Variants in PPP2R2B observed in about 807,000 individuals in gnomAD.
The protein encoded by PPP2R2B is serine/threonine-protein phosphatase 2A 55 kDa regulatory subunit B beta isoform.
PPP2R2B carries 5 observed loss-of-function variants against 46.0 expected under a neutral mutation model. The observed-to-expected ratio is 0.11, with a 90% CI of 0.06 to 0.23. The LOEUF is 0.23. Ranked by LOEUF, PPP2R2B falls within the 10% of genes least tolerant of loss-of-function variation. PPP2R2B has a pLI of 1.00. For synonymous variants in PPP2R2B, 215 were observed against 206.7 expected (o/e 1.04, Z -0.34); for missense variants, 367 against 575.0 (o/e 0.64, Z 3.70).
At chr5:146,727,124 A>T (rs926151183) in intron 2 of PPP2R2B, among the ~76,000 whole-genome samples, 2 of 152,140 alleles carry the variant, frequency 1.3e-5, no homozygotes, top group Admixed American at 6.5e-5. Context: ...GCTCAGCTGT[A>T]TGCTGAATTT....
chr5:146,640,041 C>T (rs1028586500), intron 6 of PPP2R2B, among the ~76,000 whole-genome samples: 16 of 152,284 alleles, frequency 1.1e-4, no homozygotes, highest in South Asian at 4.1e-4. Flanking sequence ...AGTTTAGATG[C>T]GGTACAAGCA....
At chr5:146,984,252 C>G (rs1310560532) in intron 1 of PPP2R2B, among the ~76,000 whole-genome samples, 5 of 152,174 alleles carry the variant, frequency 3.3e-5, no homozygotes, top group Non-Finnish European at 7.4e-5. Flanking sequence ...TCTCATTCCT[C>G]CAACCTCCCA....
chr5:146,718,355 T>G (rs780883265), intron 2 of PPP2R2B, among the ~76,000 whole-genome samples: 6 of 151,764 alleles, frequency 4.0e-5, no homozygotes, highest in Non-Finnish European at 5.9e-5. Context: ...ACCACTGTAC[T>G]ACAGCCTGGG....
At chr5:146,628,378 C>G (rs1774202549) in intron 7 of PPP2R2B, among the ~76,000 whole-genome samples, 1 of 152,204 alleles carries the variant, frequency 6.6e-6, no homozygotes, top group South Asian at 2.1e-4. Context: ...AATCCTTGGG[C>G]TGCAGACTTG....
At chr5:146,986,577 TA>T (rs1554082544) in intron 1 of PPP2R2B, among the ~76,000 whole-genome samples, 1 of 151,876 alleles carries the variant, frequency 6.6e-6, no homozygotes, top group Non-Finnish European at 1.5e-5. Context: ...GAAGTATTAA[TA>T]AAAAAACAGA....
At chr5:146,702,185 C>T (rs755372482) in intron 2 of PPP2R2B, among the ~76,000 whole-genome samples, 4 of 152,094 alleles carry the variant, frequency 2.6e-5, no homozygotes, top group Non-Finnish European at 5.9e-5. Flanking sequence ...GCAATTACCC[C>T]TGAGTAATTC....
intron 7 of PPP2R2B, among the ~76,000 whole-genome samples, chr5:146,618,693 C>T (rs1773422893): frequency 6.6e-6 from 1 of 150,726 alleles, no homozygotes; most frequent in African/African-American, 2.5e-5. Flanking sequence ...TGGGCAGAGG[C>T]CATGAGAGGC....
intron 2 of PPP2R2B, among the ~76,000 whole-genome samples, chr5:146,734,661 C>A (rs753144523): frequency 6.6e-6 from 1 of 152,138 alleles, no homozygotes; most frequent in Admixed American, 6.5e-5. Flanking sequence ...CTCTGTCTGT[C>A]CTCGTGAGAC....
At chr5:146,691,035 T>G in intron 5 of PPP2R2B, 93 bp downstream of exon 5, 3 of 1,055,246 alleles carry the variant, frequency 2.8e-6, no homozygotes, top group Non-Finnish European at 4.2e-6. Flanking sequence ...CACTGGCCCA[T>G]TATAGTTGCA....
At chr5:146,689,899 T>C (rs1251858266) in intron 5 of PPP2R2B, among the ~76,000 whole-genome samples, 2 of 152,204 alleles carry the variant, frequency 1.3e-5, no homozygotes, top group Non-Finnish European at 2.9e-5. Context: ...CTGAAGACCA[T>C]GTGCCCATTA....
At chr5:146,620,058 T>G (rs1773542698) in intron 7 of PPP2R2B, among the ~76,000 whole-genome samples, 1 of 152,096 alleles carries the variant, frequency 6.6e-6, no homozygotes, top group Non-Finnish European at 1.5e-5. Context: ...ATTATCTCTA[T>G]ATTATGGCTG....
intron 1 of PPP2R2B, among the ~76,000 whole-genome samples, chr5:146,995,901 C>G (rs904188288): frequency 2.0e-5 from 3 of 152,140 alleles, no homozygotes; most frequent in African/African-American, 4.8e-5. Flanking sequence ...ATAAGGTTTT[C>G]AAACCAGCAA....
chr5:146,971,287 A>G (rs1237243641), intron 1 of PPP2R2B, among the ~76,000 whole-genome samples: 14 of 152,306 alleles, frequency 9.2e-5, no homozygotes. Context: ...CTGGAGACAG[A>G]TGATATTTTC....
intron 2 of PPP2R2B, among the ~76,000 whole-genome samples, chr5:146,845,755 T>C (rs1296801409): frequency 1.3e-5 from 2 of 152,216 alleles, no homozygotes; most frequent in African/African-American, 2.4e-5. Context: ...TTTGAGTATG[T>C]ACACTAAATT....
intron 1 of PPP2R2B, among the ~76,000 whole-genome samples, chr5:146,970,948 G>A (rs1260871533): frequency 6.6e-6 from 1 of 152,054 alleles, no homozygotes; most frequent in Non-Finnish European, 1.5e-5. Context: ...ACTATTTGTT[G>A]TATATCCCTT....
intron 4 of PPP2R2B, among the ~76,000 whole-genome samples, chr5:146,696,029 G>A (rs778205351): frequency 2.6e-5 from 4 of 151,732 alleles, no homozygotes; most frequent in Non-Finnish European, 5.9e-5. Context: ...AGAATATTAT[G>A]CTATATAATT....
At chr5:146,672,886 T>G (rs556880425) in intron 5 of PPP2R2B, among the ~76,000 whole-genome samples, 1 of 152,368 alleles carries the variant, frequency 6.6e-6, no homozygotes, top group East Asian at 1.9e-4. Context: ...CATGTACATT[T>G]TTTTGTCTTG....
intron 2 of PPP2R2B, among the ~76,000 whole-genome samples, chr5:146,712,257 C>T (rs993425556): frequency 9.9e-5 from 15 of 152,178 alleles, no homozygotes; most frequent in Admixed American, 9.8e-4. Flanking sequence ...TTCTCCCTCC[C>T]TCCTTCTAGT....
rs72813709 is a variant in PPP2R2B, at chr5:146,760,335, G to A, written c.71-59193C>T. 7.0e-3 allele frequency among the ~76,000 whole-genome samples: 1,063 copies of A among 152,294 alleles called. 10 individuals are homozygous for A. The highest frequency in any genetic ancestry group is 0.018 in the Admixed American group (277 of 15,278). On this transcript the variant is annotated intron_variant, in intron 2 of 9. Transcript: ENST00000394411. ...ATAATTTTCACTGCATAGCTAGTAA[G>A]TAGAAAATTAAGCTTGTCTGCCTCC...
Sources: allele counts gnomAD v4.1 joint callset (sites outside exome capture counted in the v4.1 genomes callset), GRCh38; gene constraint gnomAD v4.1.1; transcripts MANE v1.5; gene names NCBI Gene and HGNC (gene_info 2026-07-23, HGNC 2026-07-21).